Variants in OPA1 observed in about 807,000 individuals in gnomAD.
OPA1 encodes the protein OPA1 mitochondrial dynamin like GTPase, also known as dynamin-like GTPase OPA1, mitochondrial.
A neutral mutation model predicts 152.9 loss-of-function variants in OPA1; 59 were observed. The observed-to-expected ratio is 0.39, with a 90% CI of 0.31 to 0.48. The LOEUF (loss-of-function observed/expected upper bound fraction) is 0.48. Ranked by LOEUF, OPA1 falls within the 20% of genes least tolerant of loss-of-function variation. The pLI is 0.96. For missense variants in OPA1, 1,008 were observed against 1,216.8 expected (o/e 0.83, Z 2.55); for synonymous variants, 400 against 389.9 (o/e 1.03, Z -0.31).
chr3:193,642,917 G>C (rs947574602), intron 12 of OPA1, 58 bp from the exon 13 acceptor site: 1 of 1,573,082 alleles, frequency 6.4e-7, no homozygotes, highest in Non-Finnish European at 8.7e-7. Flanking sequence ...GACAGTTAAA[G>C]AATATTTGTG....
At chr3:193,649,007 T>C in intron 21 of OPA1, 136 bp downstream of exon 21, 1 of 632,012 alleles carries the variant, frequency 1.6e-6, no homozygotes, top group Non-Finnish European at 2.9e-6. Context: ...GTATATTTTT[T>C]TGGCAATATC....
chr3:193,600,261 T>C (rs1392127745), intron 1 of OPA1, among the ~76,000 whole-genome samples: 1 of 152,236 alleles, frequency 6.6e-6, no homozygotes, highest in African/African-American at 2.4e-5. Context: ...TTATTTGGTC[T>C]CAGTGTGGAA....
chr3:193,593,985 T>G (rs1280930174), intron 1 of OPA1, among the ~76,000 whole-genome samples: 1 of 152,194 alleles, frequency 6.6e-6, no homozygotes, highest in East Asian at 1.9e-4. Context: ...CGAGATGCCC[T>G]TTCAATAGCA....
At chr3:193,681,164 A>T (rs1358392355) in intron 29 of OPA1, among the ~76,000 whole-genome samples, 7 of 152,214 alleles carry the variant, frequency 4.6e-5, no homozygotes, top group African/African-American at 1.7e-4. Flanking sequence ...TTTTTCTCCC[A>T]TGCAGAAATT....
In OPA1 at chr3:193,643,411, G is replaced by A. The variant is rs1734077960; in HGVS notation, c.1344G>A (p.Arg448=). The change falls in exon 14 of 31, where the codon AGG becomes AGA. Residue 448 remains arginine, a synonymous_variant. Coordinates refer to ENST00000361510, the MANE Select transcript of OPA1 (RefSeq NM_130837.3). ...SLNVKGPGLQ[R]MVLVDLPGVI... ...ATGTAAAAGGCCCTGGACTACAGAG[G>A]ATGGTGCTTGTTGACTTACCAGGTG... The A allele has an allele frequency of 3.1e-6, 5 of 1,611,948 alleles. No individual in the cohort carries two copies. In the South Asian group the frequency reaches 4.4e-5, roughly 14 times the overall value.
At chr3:193,614,633 G>C (rs1166860328) in intron 1 of OPA1, 90 bp from the exon 2 acceptor site, 3 of 966,514 alleles carry the variant, frequency 3.1e-6, no homozygotes, top group Non-Finnish European at 5.1e-6. Context: ...GTATGGGGCT[G>C]TGTTTCCTTT....
At chr3:193,610,974 T>C (rs1227446260) in intron 1 of OPA1, among the ~76,000 whole-genome samples, 1 of 152,196 alleles carries the variant, frequency 6.6e-6, no homozygotes, top group African/African-American at 2.4e-5. Flanking sequence ...CCCTGACCCC[T>C]TGTGCTTCCT....
intron 26 of OPA1, 60 bp from the exon 27 acceptor site, chr3:193,664,820 T>C: frequency 2.2e-6 from 2 of 905,062 alleles, no homozygotes; most frequent in Admixed American, 3.6e-5. Context: ...AACTTCTCAG[T>C]GTGGTTGATC....
intron 3 of OPA1, among the ~76,000 whole-genome samples, chr3:193,616,468 G>A (rs1729025058): frequency 6.6e-6 from 1 of 152,122 alleles, no homozygotes; most frequent in Non-Finnish European, 1.5e-5. Flanking sequence ...CTGCCAAGTA[G>A]CCTTTCTATT....
intron 4 of OPA1, 116 bp from the exon 5 acceptor site, chr3:193,617,668 A>G: frequency 1.3e-6 from 1 of 783,154 alleles, no homozygotes; most frequent in Non-Finnish European, 2.2e-6. Context: ...TAATCCTGGC[A>G]TATTTGCCCA....
intron 16 of OPA1, among the ~76,000 whole-genome samples, chr3:193,644,616 G>GT (rs1734259910): frequency 6.6e-6 from 1 of 152,158 alleles, no homozygotes; most frequent in Non-Finnish European, 1.5e-5. Context: ...GGCCTGCTGT[G>GT]TTAACCCTTT....
At chr3:193,672,076 G>A (rs981540338) in intron 29 of OPA1, among the ~76,000 whole-genome samples, 2 of 152,200 alleles carry the variant, frequency 1.3e-5, no homozygotes, top group African/African-American at 2.4e-5. Flanking sequence ...TGTCAACTTA[G>A]ATAAAATCTG....
At chr3:193,601,714 T>C (rs1481940065) in intron 1 of OPA1, among the ~76,000 whole-genome samples, 1 of 152,166 alleles carries the variant, frequency 6.6e-6, no homozygotes, top group Admixed American at 6.5e-5. Context: ...CAATATACGT[T>C]TTGTAGGCAT....
At chr3:193,675,357 A>C (rs1718770497) in intron 29 of OPA1, among the ~76,000 whole-genome samples, 1 of 150,550 alleles carries the variant, frequency 6.6e-6, no homozygotes, top group Non-Finnish European at 1.5e-5. Context: ...AAAACACCCA[A>C]TCAAGAAGAA....
Position 193,662,795 on chromosome 3 carries a change from C to T in OPA1, c.2521-27C>T, listed in dbSNP as rs369952325. 28 of 1,604,464 alleles carry T rather than the reference C, an allele frequency of 1.7e-5. No individual in the cohort carries two copies. In the African/African-American group the frequency reaches 3.6e-4, roughly 21 times the overall value. On this transcript the variant is annotated intron_variant, in intron 25 of 30. Coordinates refer to ENST00000361510, the MANE Select transcript of OPA1 (RefSeq NM_130837.3). ...AGCACCAAATTATGAACCATCTAAA[C>T]ACAGTCCTTTTTTAAACATTTTAAA... is the stretch of plus-strand genomic sequence containing the variant.
chr3:193,693,479 A>G (rs1374622477), intron 30 of OPA1, among the ~76,000 whole-genome samples: 1 of 152,118 alleles, frequency 6.6e-6, no homozygotes. Flanking sequence ...GTCTCTAATA[A>G]AAATACAAAA....
chr3:193,610,101 G>A (rs1183665303), intron 1 of OPA1, among the ~76,000 whole-genome samples: 1 of 152,196 alleles, frequency 6.6e-6, no homozygotes, highest in Non-Finnish European at 1.5e-5. Context: ...CTTTGGAGGA[G>A]GAGAGGTGCT....
At position 193,604,528 on chromosome 3, in the gene OPA1, G is replaced by A. The variant is rs1726928793; in HGVS notation, c.33-10195G>A. On this transcript the variant is annotated intron_variant, in intron 1 of 30. Transcript: ENST00000361510. ...AGGTAAGAGGGAAATCCCTTCAGCA[G>A]CCAAGTCATGTCCCAAATAGTGGAC... Among the ~76,000 whole-genome samples, 3 of 152,170 alleles carry A rather than the reference G, an allele frequency of 2.0e-5. No individual in the cohort carries two copies. In the South Asian group the frequency reaches 6.2e-4, roughly 31 times the overall value.
chr3:193,643,663 G>A, intron 15 of OPA1, 36 bp downstream of exon 15: 1 of 1,528,284 alleles, frequency 6.5e-7, no homozygotes, highest in Non-Finnish European at 9.1e-7. Flanking sequence ...GTACTGATAT[G>A]TTTTCTTCTT....
Sources: allele counts gnomAD v4.1 joint callset (sites outside exome capture counted in the v4.1 genomes callset), GRCh38; gene constraint gnomAD v4.1.1; transcripts MANE v1.5; gene names NCBI Gene and HGNC (gene_info 2026-07-23, HGNC 2026-07-21).